PDE10A: variants seen among roughly 807,000 people sequenced by gnomAD.
PDE10A encodes cAMP and cAMP-inhibited cGMP 3',5'-cyclic phosphodiesterase 10A.
A neutral mutation model predicts 97.7 loss-of-function variants in PDE10A; 39 were observed. The ratio of observed to expected loss-of-function variants is 0.40; its 90% CI spans 0.31 to 0.52. PDE10A has a LOEUF of 0.52. Among genes scored for constraint, PDE10A ranks in the 20% least tolerant of loss-of-function variants. PDE10A has a pLI of 0.56. For synonymous variants in PDE10A, 371 were observed against 376.8 expected (o/e 0.98, Z 0.18); for missense variants, 731 against 1,047.8 (o/e 0.70, Z 4.17).
At chr6:165,779,479 C>T (rs926600538) in intron 1 of PDE10A, among the ~76,000 whole-genome samples, 14 of 152,336 alleles carry the variant, frequency 9.2e-5, no homozygotes, top group Middle Eastern at 3.4e-3. Context: ...TCAAGTCCTA[C>T]GTGGGGTTTC....
At chr6:165,439,803 G>T (rs1790298919) in intron 5 of PDE10A, among the ~76,000 whole-genome samples, 2 of 152,072 alleles carry the variant, frequency 1.3e-5, no homozygotes, top group African/African-American at 2.4e-5. Context: ...TGTAAATTTT[G>T]GGAAATAAAT....
chr6:165,578,881 G>A (rs1362431440), intron 1 of PDE10A, among the ~76,000 whole-genome samples: 2 of 152,164 alleles, frequency 1.3e-5, no homozygotes, highest in Admixed American at 6.5e-5. Context: ...GATAAGAAGT[G>A]TCCTAACTGT....
intron 2 of PDE10A, among the ~76,000 whole-genome samples, chr6:165,505,205 T>C (rs923549359): frequency 1.3e-5 from 2 of 152,216 alleles, no homozygotes; most frequent in Non-Finnish European, 2.9e-5. Context: ...ATACAAGTGT[T>C]TTATTAGTAA....
intron 1 of PDE10A, among the ~76,000 whole-genome samples, chr6:165,934,152 CTTTT>C (rs778137427): frequency 9.2e-6 from 1 of 109,170 alleles, no homozygotes; most frequent in East Asian, 2.4e-4. Flanking sequence ...CCTGGCTGAT[CTTTT>C]TTTTTTTTTT....
intron 1 of PDE10A, among the ~76,000 whole-genome samples, chr6:165,943,731 G>T (rs1783664272): frequency 6.6e-6 from 1 of 152,236 alleles, no homozygotes; most frequent in African/African-American, 2.4e-5. Flanking sequence ...TCTTTATTCA[G>T]TGTTTAAATT....
chr6:165,743,885 TA>T (rs753553862), intron 1 of PDE10A, among the ~76,000 whole-genome samples: 12 of 152,208 alleles, frequency 7.9e-5, no homozygotes, highest in African/African-American at 2.4e-4. Flanking sequence ...TATTTTTACT[TA>T]AATGAATATT....
At chr6:165,650,327 G>C (rs1052333919) in intron 1 of PDE10A, among the ~76,000 whole-genome samples, 1 of 152,090 alleles carries the variant, frequency 6.6e-6, no homozygotes, top group Non-Finnish European at 1.5e-5. Flanking sequence ...ACACTGAAAA[G>C]TCTCCCCACA....
chr6:165,460,532 T>C (rs2128258284), intron 3 of PDE10A, among the ~76,000 whole-genome samples: 1 of 152,252 alleles, frequency 6.6e-6, no homozygotes, highest in Non-Finnish European at 1.5e-5. Context: ...GGGAAAGAAA[T>C]TTAAAGGTTT....
At chr6:165,741,568 C>T (rs868508007) in intron 1 of PDE10A, among the ~76,000 whole-genome samples, 5 of 152,072 alleles carry the variant, frequency 3.3e-5, no homozygotes, top group African/African-American at 4.8e-5. Context: ...TGAGCATACC[C>T]GTCTGTCCAA....
intron 1 of PDE10A, among the ~76,000 whole-genome samples, chr6:165,625,862 G>T (rs145723212): frequency 6.6e-6 from 1 of 152,272 alleles, no homozygotes; most frequent in African/African-American, 2.4e-5. Flanking sequence ...CATGGAAACG[G>T]ACTCACACAC....
At chr6:165,968,223 G>A (rs780520525) in intron 1 of PDE10A, among the ~76,000 whole-genome samples, 10 of 152,180 alleles carry the variant, frequency 6.6e-5, no homozygotes, top group South Asian at 2.1e-4. Flanking sequence ...TGATATTAGC[G>A]AAGAGTATTG....
chr6:165,653,111 C>T (rs1789764348), intron 1 of PDE10A, among the ~76,000 whole-genome samples: 1 of 152,190 alleles, frequency 6.6e-6, no homozygotes, highest in African/African-American at 2.4e-5. Context: ...TGAAATTTTA[C>T]AATCACATTA....
chr6:165,654,701 C>A (rs1789847668), intron 1 of PDE10A, among the ~76,000 whole-genome samples: 1 of 152,210 alleles, frequency 6.6e-6, no homozygotes, highest in South Asian at 2.1e-4. Context: ...AGCTGAGATT[C>A]AAAAGGCCCC....
chr6:165,727,014 G>C (rs1041976017), intron 1 of PDE10A, among the ~76,000 whole-genome samples: 1 of 148,230 alleles, frequency 6.7e-6, no homozygotes, highest in Non-Finnish European at 1.5e-5. Context: ...TCGCGTGGGG[G>C]GTTCCCCTGG....
intron 1 of PDE10A, among the ~76,000 whole-genome samples, chr6:165,613,567 G>T (rs1787594979): frequency 6.6e-6 from 1 of 152,112 alleles, no homozygotes; most frequent in Admixed American, 6.5e-5. Context: ...CTTGAGCCCA[G>T]GAGGTTGAGG....
intron 10 of PDE10A, among the ~76,000 whole-genome samples, chr6:165,421,585 T>G (rs930449662): frequency 2.0e-5 from 3 of 152,196 alleles, no homozygotes; most frequent in Non-Finnish European, 4.4e-5. Context: ...AATAACAAAA[T>G]CGCTGCCTTA....
At chr6:165,370,226 C>A (rs1396178410) in intron 18 of PDE10A, among the ~76,000 whole-genome samples, 2 of 150,564 alleles carry the variant, frequency 1.3e-5, no homozygotes, top group Non-Finnish European at 3.0e-5. Flanking sequence ...TCACACATAA[C>A]AATATTAACT....
intron 1 of PDE10A, among the ~76,000 whole-genome samples, chr6:165,617,031 C>G (rs1787756914): frequency 6.6e-6 from 1 of 152,166 alleles, no homozygotes; most frequent in Non-Finnish European, 1.5e-5. Flanking sequence ...CATCTTAATA[C>G]TAGAGATATT....
At chr6:165,927,656 A>ATATATATATATG (rs1415007142) in intron 1 of PDE10A, among the ~76,000 whole-genome samples, 4 of 113,122 alleles carry the variant, frequency 3.5e-5, no homozygotes, top group African/African-American at 1.4e-4. Context: ...ACATATATAT[A>ATATATATATATG]TATATATATA....
Sources: gnomAD v4.1 joint callset for allele counts (sites outside exome capture counted in the v4.1 genomes callset) on GRCh38, gnomAD v4.1.1 for gene constraint, MANE v1.5 for transcripts, NCBI Gene and HGNC (gene_info 2026-07-23, HGNC 2026-07-21) for gene names.